The following GMNN variants were observed in gnomAD, a reference collection of about 807,000 sequenced individuals.
The protein encoded by GMNN is geminin.
A neutral mutation model predicts 20.9 loss-of-function variants in GMNN; 14 were observed. The observed-to-expected ratio is 0.67, with a 90% CI of 0.44 to 1.05. GMNN has a LOEUF of 1.05. Ranked by LOEUF, GMNN falls within the 50% of genes least tolerant of loss-of-function variation. The pLI is 0.00. For synonymous variants in GMNN, 81 were observed against 85.8 expected (o/e 0.94, Z 0.31); for missense variants, 227 against 243.8 (o/e 0.93, Z 0.46).
intron 2 of GMNN, among the ~76,000 whole-genome samples, chr6:24,779,935 G>C (rs1175973684): frequency 2.6e-5 from 4 of 152,138 alleles, no homozygotes; most frequent in Non-Finnish European, 5.9e-5. Flanking sequence ...CTACTATCAG[G>C]TAATGGTTGA....
intron 4 of GMNN, 57 bp from the exon 5 acceptor site, chr6:24,784,030 A>T: frequency 2.6e-6 from 2 of 778,180 alleles, no homozygotes; most frequent in South Asian, 3.7e-5. Context: ...TTTTGAAACA[A>T]ATTACTGGGT....
chr6:24,779,601 C>T (rs979481058), intron 2 of GMNN, among the ~76,000 whole-genome samples: 1 of 152,086 alleles, frequency 6.6e-6, no homozygotes, highest in Non-Finnish European at 1.5e-5. Flanking sequence ...GAAACTTTAC[C>T]GTGGGAAAGG....
At chr6:24,784,611 G>A in intron 6 of GMNN, 57 bp downstream of exon 6, 1 of 750,878 alleles carries the variant, frequency 1.3e-6, no homozygotes, top group Non-Finnish European at 2.3e-6. Flanking sequence ...TAAAGTTGAG[G>A]TAGTGTAGTG....
rs1157470698 is a variant in GMNN at position 24,785,935 on chromosome 6, A to C, written c.*136A>C. 1 of 600,194 alleles carries C rather than the reference A, an allele frequency of 1.7e-6. No individual in the cohort carries two copies. Among genetic ancestry groups the C allele is most frequent in the Non-Finnish European group, 2.9e-6 (1 of 344,794 alleles). The allele number at this position is 600,194 out of a possible 1,614,324, so 37.2% of individuals were successfully genotyped here. On this transcript the variant is annotated 3_prime_UTR_variant, in exon 7 of 7. Coordinates refer to ENST00000230056, the MANE Select transcript of GMNN (RefSeq NM_015895.5). ...TGTTTGAATCCTGGGACCCTATTGC[A>C]TTAAAGTACAAATACTATGTATTTT... is the stretch of plus-strand genomic sequence containing the variant.
At chr6:24,783,675 C>T (rs1260224871) in intron 4 of GMNN, among the ~76,000 whole-genome samples, 1 of 152,016 alleles carries the variant, frequency 6.6e-6, no homozygotes, top group Non-Finnish European at 1.5e-5. Context: ...ATATAGTATT[C>T]TTATACTATA....
At position 24,777,254 on chromosome 6, in the gene GMNN, C is replaced by T; in HGVS notation, c.8C>T (p.Pro3Leu). 7.1e-7 allele frequency: 1 copy of T among 1,399,414 alleles called. No individual in the cohort carries two copies. Among genetic ancestry groups the T allele is most frequent in the South Asian group, 1.3e-5 (1 of 76,102 alleles). 86.7% of individuals were successfully genotyped at this position (1,399,414 alleles called of 1,614,324 possible). ...TGCTTCACCATCTACATAATGAATCCCAGTATGAAGCAGAAACAAGAAGAA... is the reference window on the plus strand; with the variant it reads ...TGCTTCACCATCTACATAATGAATCTCAGTATGAAGCAGAAACAAGAAGAA... MN[P>L]SMKQKQEEIK... is the part of the protein sequence containing the mutation. The change falls in exon 2 of 7, where the codon CCC (proline) becomes CTC (leucine). Residue 3 changes from proline (P) to leucine (L), a missense_variant. Coordinates refer to ENST00000230056, the MANE Select transcript of GMNN (RefSeq NM_015895.5).
intron 2 of GMNN, among the ~76,000 whole-genome samples, chr6:24,779,133 G>A (rs72837780): frequency 0.15 from 22,059 of 152,096 alleles, 1,896 homozygotes; most frequent in Non-Finnish European, 0.18. Context: ...GCAAAATTCT[G>A]TGTGAATGTG....
intron 2 of GMNN, chr6:24,777,765 C>T (rs1219794522): frequency 6.6e-6 from 1 of 152,050 alleles, no homozygotes; most frequent in Non-Finnish European, 1.5e-5. Context: ...TGTATTTTCT[C>T]TGTGAAGATT....
chr6:24,780,764 G>A, intron 3 of GMNN, 24 bp downstream of exon 3: 1 of 1,105,146 alleles, frequency 9.0e-7, no homozygotes, highest in Non-Finnish European at 1.4e-6. Context: ...GGCTAAAATG[G>A]GGTACTGGTG....
At chr6:24,780,829 A>C in intron 3 of GMNN, 89 bp downstream of exon 3, 1 of 683,300 alleles carries the variant, frequency 1.5e-6, no homozygotes, top group Non-Finnish European at 2.7e-6. Context: ...GAAACACGTA[A>C]ATTGTTGAAA....
intron 5 of GMNN, 121 bp from the exon 6 acceptor site, chr6:24,784,323 C>A: frequency 1.5e-6 from 1 of 680,946 alleles, no homozygotes; most frequent in Non-Finnish European, 2.6e-6. Flanking sequence ...CAAAATGAAT[C>A]CCGTTGTGTT....
In GMNN at chr6:24,783,405, G is replaced by A. The variant is rs111273224; in HGVS notation, c.275-682G>A. On this transcript the variant is annotated intron_variant, in intron 4 of 6. Transcript: ENST00000230056. Reference sequence around the variant, plus strand: ...AAAAAAAATTGGTTTTCCATCCACCGTAGAAGTAATAGATATAAGCCGGAA... The same window carrying A: ...AAAAAAAATTGGTTTTCCATCCACCATAGAAGTAATAGATATAAGCCGGAA... 2.3e-3 allele frequency among the ~76,000 whole-genome samples: 348 copies of A among 152,152 alleles called. 2 individuals carry two copies. Among genetic ancestry groups the A allele is most frequent in the Admixed American group, 6.3e-3 (96 of 15,280 alleles).
intron 2 of GMNN, among the ~76,000 whole-genome samples, chr6:24,779,033 C>T (rs908085506): frequency 2.6e-5 from 4 of 152,204 alleles, no homozygotes; most frequent in African/African-American, 9.6e-5. Flanking sequence ...AAAACTGAGA[C>T]CTTGGGTGGG....
chr6:24,781,617 T>C lies in GMNN; in HGVS notation c.270T>C (p.Ile90=). Residue 90 remains isoleucine (I), a synonymous_variant, in exon 4 of 7, where the codon ATT becomes ATC. Transcript: ENST00000230056. ...CCCAGGAGTCATTTGATCTTATGAT[T>C]AAAGGTATGAAAAAATAGATAACTT... ...GVTQESFDLM[I]KENPSSQYWK... 2.1e-6 allele frequency: 3 copies of C among 1,421,332 alleles called. No individual in the cohort carries two copies. The highest frequency in any genetic ancestry group is 2.8e-6 in the Non-Finnish European group (3 of 1,053,782). 88.0% of individuals were successfully genotyped at this position (1,421,332 alleles called of 1,614,324 possible). A position where few individuals can be genotyped will look rare whatever the true frequency, so the allele number is the denominator to read the frequency against.
chr6:24,778,973 A>G (rs897126609), intron 2 of GMNN, among the ~76,000 whole-genome samples: 7 of 152,202 alleles, frequency 4.6e-5, no homozygotes, highest in Non-Finnish European at 7.3e-5. Flanking sequence ...CAGTGAAACT[A>G]TCTTGAATAT....
intron 2 of GMNN, chr6:24,777,874 T>C (rs1451218189): frequency 6.6e-6 from 1 of 152,240 alleles, no homozygotes; most frequent in Non-Finnish European, 1.5e-5. Flanking sequence ...TGTGTATATC[T>C]TCAGAATTAA....
intron 4 of GMNN, among the ~76,000 whole-genome samples, chr6:24,782,342 T>G (rs770570231): frequency 6.6e-6 from 1 of 152,152 alleles, no homozygotes; most frequent in Non-Finnish European, 1.5e-5. Context: ...TTTAATAGAA[T>G]GGTAGTATAC....
Position 24,784,500 on chromosome 6 carries a change from T to C in GMNN, c.414T>C (p.Asn138=). Residue 138 remains asparagine (N), a synonymous_variant, in exon 6 of 7, where the codon AAT becomes AAC. Coordinates refer to ENST00000230056, the MANE Select transcript of GMNN (RefSeq NM_015895.5). ...AAATTGCCCGCCTGAAAAAGGAGAATAAAGAACTGGCAGAAGTAGCAGAAC... is the reference window on the plus strand; with the variant it reads ...AAATTGCCCGCCTGAAAAAGGAGAACAAAGAACTGGCAGAAGTAGCAGAAC... The part of the protein sequence containing the change: ...DNEIARLKKE[N]KELAEVAEHV... 6.3e-7 allele frequency: 1 copy of C among 1,588,964 alleles called. No homozygotes were observed. Among genetic ancestry groups the C allele is most frequent in the South Asian group, 1.1e-5 (1 of 90,524 alleles).
At chr6:24,776,593 G>A (rs1443551587) in intron 1 of GMNN, among the ~76,000 whole-genome samples, 1 of 152,210 alleles carries the variant, frequency 6.6e-6, no homozygotes, top group Non-Finnish European at 1.5e-5. Flanking sequence ...ACACGGCAGG[G>A]GCCAATGGGT....
Sources: gnomAD v4.1 joint callset for allele counts (sites outside exome capture counted in the v4.1 genomes callset) on GRCh38, gnomAD v4.1.1 for gene constraint, MANE v1.5 for transcripts, NCBI Gene and HGNC (gene_info 2026-07-23, HGNC 2026-07-21) for gene names.